KCNC2: variants seen among roughly 807,000 people sequenced by gnomAD.
KCNC2 encodes the protein voltage-gated potassium channel KCNC2.
Under a neutral mutation model 44.5 loss-of-function variants are expected in KCNC2, and 21 were observed. The observed-to-expected ratio is 0.47, with a 90% CI of 0.33 to 0.68. KCNC2 has a LOEUF of 0.68. KCNC2 is among the 30% of genes least tolerant of loss of function. KCNC2 has a pLI of 0.01. For missense variants in KCNC2, 589 were observed against 826.2 expected (o/e 0.71, Z 3.52); for synonymous variants, 391 against 339.1 (o/e 1.15, Z -1.68).
chr12:75,160,854 CA>C (rs1052609329), intron 2 of KCNC2, among the ~76,000 whole-genome samples: 2 of 151,458 alleles, frequency 1.3e-5, no homozygotes, highest in African/African-American at 4.8e-5. Context: ...TCATAATGAC[CA>C]AAAAAAGTTT....
At chr12:75,118,378 T>C (rs1285014878) in intron 2 of KCNC2, among the ~76,000 whole-genome samples, 1 of 152,022 alleles carries the variant, frequency 6.6e-6, no homozygotes, top group Non-Finnish European at 1.5e-5. Flanking sequence ...ACTTCAGATA[T>C]TACAAATTAG....
At chr12:75,162,625 A>G (rs1282392632) in intron 2 of KCNC2, among the ~76,000 whole-genome samples, 1 of 151,762 alleles carries the variant, frequency 6.6e-6, no homozygotes, top group African/African-American at 2.4e-5. Flanking sequence ...ATTTAAAATC[A>G]GATAACCAAG....
chr12:75,201,262 G>GAAAAAAAAAA lies in KCNC2; in HGVS notation c.687+6025_687+6034dup, dbSNP rs1313998973. On this transcript the variant is annotated intron_variant, in intron 2 of 4. Coordinates refer to ENST00000549446, the MANE Select transcript of KCNC2 (RefSeq NM_139137.4). Reference sequence around the variant, plus strand: ...GGGCAGAAAGTTACAAACGAAATTGGAAAAAAAAAAAAAAAAAAAAAAAAA... The same window carrying GAAAAAAAAAA: ...GGGCAGAAAGTTACAAACGAAATTGGAAAAAAAAAAAAAAAAAAAAAAAAAAAAAAAAAAA... Among the ~76,000 whole-genome samples, 17 of 18,468 alleles carry GAAAAAAAAAA rather than the reference G, an allele frequency of 9.2e-4. 5 individuals carry two copies. Among genetic ancestry groups the GAAAAAAAAAA allele is most frequent in the African/African-American group, 1.8e-3 (9 of 4,978 alleles). 12.1% of individuals were successfully genotyped at this position (18,468 alleles called of 152,430 possible).
At chr12:75,169,754 C>G (rs1245450325) in intron 2 of KCNC2, among the ~76,000 whole-genome samples, 1 of 151,490 alleles carries the variant, frequency 6.6e-6, no homozygotes, top group Non-Finnish European at 1.5e-5. Context: ...ACTCAGAGAA[C>G]AAGAGCTATT....
intron 2 of KCNC2, among the ~76,000 whole-genome samples, chr12:75,149,415 T>A (rs1379951): frequency 0.17 from 25,207 of 151,784 alleles, 2,671 homozygotes; most frequent in African/African-American, 0.29. Flanking sequence ...AAAAATGTTA[T>A]GTAACCTGAT....
intron 2 of KCNC2, among the ~76,000 whole-genome samples, chr12:75,098,675 C>A (rs1425352675): frequency 6.6e-6 from 1 of 151,934 alleles, no homozygotes; most frequent in African/African-American, 2.4e-5. Context: ...AGGAGAATGG[C>A]TTGAACTCAG....
intron 2 of KCNC2, among the ~76,000 whole-genome samples, chr12:75,096,621 G>T (rs1038329396): frequency 2.6e-5 from 4 of 152,026 alleles, no homozygotes; most frequent in Admixed American, 2.0e-4. Flanking sequence ...CAGGTAATTA[G>T]GCAATTATAA....
intron 2 of KCNC2, among the ~76,000 whole-genome samples, chr12:75,139,907 A>G (rs1307445440): frequency 6.6e-6 from 1 of 152,220 alleles, no homozygotes; most frequent in East Asian, 1.9e-4. Context: ...CTGAGGCAAC[A>G]ATATCTTCCC....
intron 2 of KCNC2, among the ~76,000 whole-genome samples, chr12:75,089,180 A>T (rs1480760437): frequency 6.6e-6 from 1 of 151,918 alleles, no homozygotes; most frequent in Admixed American, 6.6e-5. Flanking sequence ...ATGGAAACAG[A>T]TTAGGTACAG....
intron 2 of KCNC2, among the ~76,000 whole-genome samples, chr12:75,086,923 C>T (rs1204689216): frequency 6.6e-6 from 1 of 151,740 alleles, no homozygotes; most frequent in Non-Finnish European, 1.5e-5. Flanking sequence ...AATTCAAAAG[C>T]ACTTTTTGAC....
chr12:75,070,132 T>G (rs1883250324), intron 2 of KCNC2, among the ~76,000 whole-genome samples: 1 of 152,180 alleles, frequency 6.6e-6, no homozygotes, highest in African/African-American at 2.4e-5. Context: ...TGAGAATATT[T>G]TTCTGCCTAG....
intron 2 of KCNC2, among the ~76,000 whole-genome samples, chr12:75,083,012 T>G (rs1298913169): frequency 6.6e-6 from 1 of 151,406 alleles, no homozygotes; most frequent in African/African-American, 2.4e-5. Flanking sequence ...TCAGTGGAGA[T>G]AGAATGCATA....
chr12:75,137,257 C>G (rs1889299806), intron 2 of KCNC2, among the ~76,000 whole-genome samples: 1 of 152,124 alleles, frequency 6.6e-6, no homozygotes, highest in Non-Finnish European at 1.5e-5. Context: ...AGGATCTCAT[C>G]CTCAGCTCTT....
At chr12:75,121,490 A>ATGGGGTGGGAGGC (rs1231844460) in intron 2 of KCNC2, among the ~76,000 whole-genome samples, 2 of 152,220 alleles carry the variant, frequency 1.3e-5, no homozygotes, top group Non-Finnish European at 2.9e-5. Context: ...GAGCTAGGAA[A>ATGGGGTGGGAGGC]ATAAATATAG....
chr12:75,128,893 A>C (rs530055671), intron 2 of KCNC2, among the ~76,000 whole-genome samples: 1 of 152,334 alleles, frequency 6.6e-6, no homozygotes, highest in South Asian at 2.1e-4. Context: ...CAATGGCTTC[A>C]TGCTTCTCAG....
At chr12:75,151,030 A>G (rs1045667859) in intron 2 of KCNC2, among the ~76,000 whole-genome samples, 2 of 151,944 alleles carry the variant, frequency 1.3e-5, no homozygotes, top group Admixed American at 6.6e-5. Flanking sequence ...AATATCAAAA[A>G]TGATTTTTAT....
chr12:75,140,389 CAA>C (rs1334490716), intron 2 of KCNC2, among the ~76,000 whole-genome samples: 9 of 152,044 alleles, frequency 5.9e-5, no homozygotes, highest in African/African-American at 1.7e-4. Flanking sequence ...TACAATCTAT[CAA>C]ATGTGTATGA....
chr12:75,096,466 T>C (rs367720720), intron 2 of KCNC2, among the ~76,000 whole-genome samples: 2 of 152,046 alleles, frequency 1.3e-5, no homozygotes, highest in East Asian at 1.9e-4. Flanking sequence ...TAAAAATGGT[T>C]GAAGTTTCCT....
At chr12:75,187,703 AT>A (rs2137686993) in intron 2 of KCNC2, among the ~76,000 whole-genome samples, 1 of 152,316 alleles carries the variant, frequency 6.6e-6, no homozygotes, top group South Asian at 2.1e-4. Flanking sequence ...CCCATTTACT[AT>A]TGCCTGTCTG....
Sources: allele counts gnomAD v4.1 joint callset (sites outside exome capture counted in the v4.1 genomes callset), GRCh38; gene constraint gnomAD v4.1.1; transcripts MANE v1.5; gene names NCBI Gene and HGNC (gene_info 2026-07-23, HGNC 2026-07-21).